The following STXBP6 variants were observed in gnomAD, a reference collection of about 807,000 sequenced individuals.
STXBP6 encodes syntaxin binding protein 6.
A neutral mutation model predicts 26.9 loss-of-function variants in STXBP6; 21 were observed. The observed-to-expected ratio is 0.78, with a 90% CI of 0.55 to 1.12. The LOEUF (loss-of-function observed/expected upper bound fraction) is 1.12, where lower values mean the gene tolerates loss of function less well. Among genes scored for constraint, STXBP6 ranks in the 50% most tolerant of loss-of-function variants. STXBP6 has a pLI of 0.00. For missense variants in STXBP6, 232 were observed against 257.9 expected, an observed-to-expected ratio of 0.90 and a Z score of 0.69; for synonymous variants, 97 against 92.6, an observed-to-expected ratio of 1.05 and a Z score of -0.27.
At chr14:24,988,247 C>G (rs1007976103) in intron 1 of STXBP6, among the ~76,000 whole-genome samples, 4 of 152,196 alleles carry the variant, frequency 2.6e-5, no homozygotes, top group African/African-American at 9.7e-5. Context: ...GAAAATCCAT[C>G]TAGGGGCAGG....
rs146080601 is a variant in STXBP6, at chr14:25,001,653, C to T, written c.-32-26803G>A. ...GTTGTCTATTTTTTTCCATTAGAAC[C>T]CTTAATGTATCAGAGTTCTTTTAAA... On this transcript the variant is annotated intron_variant, in intron 1 of 5. Coordinates refer to ENST00000323944, the MANE Select transcript of STXBP6 (RefSeq NM_001394410.1). Among the ~76,000 whole-genome samples the T allele has an allele frequency of 1.7e-3, 265 of 152,266 alleles. 1 individual carries two copies. Among genetic ancestry groups the T allele is most frequent in the African/African-American group, 6.2e-3 (257 of 41,554 alleles).
At chr14:24,932,047 C>T (rs1257331877) in intron 2 of STXBP6, among the ~76,000 whole-genome samples, 1 of 152,186 alleles carries the variant, frequency 6.6e-6, no homozygotes, top group Admixed American at 6.5e-5. Context: ...AAAAGCAGTA[C>T]TAGATCGTTT....
chr14:24,860,710 C>T (rs954439199), intron 2 of STXBP6, among the ~76,000 whole-genome samples: 6 of 151,844 alleles, frequency 4.0e-5, no homozygotes, highest in Admixed American at 6.6e-5. Flanking sequence ...CATTTTTCTA[C>T]ATTTACTATA....
At chr14:24,827,757 T>C (rs1273209902) in intron 4 of STXBP6, among the ~76,000 whole-genome samples, 1 of 152,200 alleles carries the variant, frequency 6.6e-6, no homozygotes, top group Non-Finnish European at 1.5e-5. Context: ...ATTTCTATGC[T>C]TTGCTGCTCA....
At chr14:24,884,056 C>T (rs1414093843) in intron 2 of STXBP6, among the ~76,000 whole-genome samples, 2 of 151,932 alleles carry the variant, frequency 1.3e-5, no homozygotes, top group East Asian at 1.9e-4. Context: ...CAATTTTTAG[C>T]ATGTAACTGT....
chr14:24,917,651 C>A (rs886499174), intron 2 of STXBP6, among the ~76,000 whole-genome samples: 4 of 151,936 alleles, frequency 2.6e-5, no homozygotes, highest in African/African-American at 9.7e-5. Context: ...CTTCAAAAAT[C>A]TTAGAAAAAG....
intron 2 of STXBP6, among the ~76,000 whole-genome samples, chr14:24,911,374 G>GAA (rs1445819548): frequency 6.8e-6 from 1 of 147,108 alleles, no homozygotes; most frequent in Non-Finnish European, 1.5e-5. Context: ...GGGAAAGAAA[G>GAA]AAGAGAGAGA....
intron 1 of STXBP6, among the ~76,000 whole-genome samples, chr14:24,993,926 G>T (rs1300894576): frequency 1.3e-5 from 2 of 152,130 alleles, no homozygotes; most frequent in Admixed American, 6.5e-5. Context: ...GAGTTTTCTT[G>T]GTTTAGCTAA....
chr14:24,845,015 C>CT (rs377626533), intron 4 of STXBP6, among the ~76,000 whole-genome samples: 14,948 of 141,886 alleles, frequency 0.11, 797 homozygotes, highest in East Asian at 0.2. Context: ...TCATCAAAAG[C>CT]TTTTTTTTTT....
chr14:24,983,595 A>G lies in STXBP6; in HGVS notation c.-32-8745T>C, dbSNP rs1277672324. Among the ~76,000 whole-genome samples, 2 of 152,214 alleles carry G rather than the reference A, an allele frequency of 1.3e-5. 1 individual carries two copies. Among genetic ancestry groups the G allele is most frequent in the Non-Finnish European group, 2.9e-5 (2 of 68,040 alleles). ...ATAGTAGGTCAGTTGTTTTCCCCTT[A>G]GAGGAGGGTATGATTGATAACAGAA... is the stretch of plus-strand genomic sequence containing the variant. On this transcript the variant is annotated intron_variant, in intron 1 of 5. Transcript: ENST00000323944.
chr14:24,927,393 G>A (rs969848541), intron 2 of STXBP6, among the ~76,000 whole-genome samples: 3 of 152,068 alleles, frequency 2.0e-5, no homozygotes, highest in East Asian at 3.9e-4. Context: ...CTGTGTTGAC[G>A]CCTTTCTAAA....
chr14:24,976,880 T>TTTTTTTTTTTTTTTTG (rs2074060892), intron 1 of STXBP6, among the ~76,000 whole-genome samples: 2 of 136,084 alleles, frequency 1.5e-5, no homozygotes, highest in African/African-American at 5.7e-5. Flanking sequence ...TTTTTTTTTT[T>TTTTTTTTTTTTTTTTG]GAGGCAGAGT....
intron 1 of STXBP6, among the ~76,000 whole-genome samples, chr14:24,986,801 T>C (rs1379752500): frequency 6.6e-6 from 1 of 152,174 alleles, no homozygotes; most frequent in Non-Finnish European, 1.5e-5. Flanking sequence ...AGCTACAAAC[T>C]AGAATGCCTT....
chr14:24,864,688 G>T (rs1278987642), intron 2 of STXBP6, among the ~76,000 whole-genome samples: 1 of 152,126 alleles, frequency 6.6e-6, no homozygotes, highest in Non-Finnish European at 1.5e-5. Flanking sequence ...AAATGGACTA[G>T]ATACTAAACA....
intron 2 of STXBP6, among the ~76,000 whole-genome samples, chr14:24,954,645 G>A (rs1191237653): frequency 6.6e-6 from 1 of 152,156 alleles, no homozygotes; most frequent in East Asian, 1.9e-4. Flanking sequence ...GGGGATGAGA[G>A]GCCAAGTGGC....
chr14:24,995,693 A>G (rs2074583820), intron 1 of STXBP6, among the ~76,000 whole-genome samples: 3 of 152,202 alleles, frequency 2.0e-5, no homozygotes, highest in Non-Finnish European at 4.4e-5. Flanking sequence ...TCTTGGAAAT[A>G]AAACTTCTAT....
intron 4 of STXBP6, 70 bp from the exon 5 acceptor site, chr14:24,819,264 T>TG (rs769895520): frequency 6.3e-7 from 1 of 1,583,862 alleles, no homozygotes; most frequent in South Asian, 1.1e-5. Flanking sequence ...TCCGGCAGGG[T>TG]GAGTATCCTG....
intron 2 of STXBP6, among the ~76,000 whole-genome samples, chr14:24,882,390 A>T (rs2070403354): frequency 7.3e-6 from 1 of 137,470 alleles, no homozygotes; most frequent in African/African-American, 2.6e-5. Flanking sequence ...AAAAAAAAAA[A>T]AAAAAAAAAA....
At chr14:25,039,890 G>A (rs2075615607) in intron 1 of STXBP6, among the ~76,000 whole-genome samples, 2 of 151,822 alleles carry the variant, frequency 1.3e-5, no homozygotes, top group African/African-American at 4.8e-5. Context: ...TTTATTTTTA[G>A]TAGAGACAGG....
Sources: gnomAD v4.1 joint callset for allele counts (sites outside exome capture counted in the v4.1 genomes callset) on GRCh38, gnomAD v4.1.1 for gene constraint, MANE v1.5 for transcripts, NCBI Gene and HGNC (gene_info 2026-07-23, HGNC 2026-07-21) for gene names.